Variants in GABRB2 observed in about 807,000 individuals in gnomAD.
GABRB2 encodes gamma-aminobutyric acid receptor subunit beta-2.
Under a neutral mutation model 54.7 loss-of-function variants are expected in GABRB2, and 16 were observed. The observed-to-expected ratio is 0.29, with a 90% CI of 0.20 to 0.44. The LOEUF is 0.44. GABRB2 is among the 20% of genes least tolerant of loss of function. The pLI is 1.00. For missense variants in GABRB2, 355 were observed against 644.0 expected, an observed-to-expected ratio of 0.55 and a Z score of 4.86; for synonymous variants, 244 against 233.8, an observed-to-expected ratio of 1.04 and a Z score of -0.40.
At chr5:161,385,353 C>T (rs913644301) in intron 5 of GABRB2, among the ~76,000 whole-genome samples, 1 of 152,188 alleles carries the variant, frequency 6.6e-6, no homozygotes, top group Non-Finnish European at 1.5e-5. Context: ...TTTCTCTCTC[C>T]TTGTTCCTTT....
chr5:161,430,453 C>A, intron 4 of GABRB2, among the ~76,000 whole-genome samples: 1 of 152,138 alleles, frequency 6.6e-6, no homozygotes, highest in East Asian at 1.9e-4. Flanking sequence ...AAGAACATGC[C>A]TTGGGTAGCT....
At chr5:161,443,108 C>T (rs1030692219) in intron 4 of GABRB2, among the ~76,000 whole-genome samples, 1 of 152,064 alleles carries the variant, frequency 6.6e-6, no homozygotes, top group South Asian at 2.1e-4. Flanking sequence ...TTACACCCTC[C>T]CCTCCCTGCT....
At chr5:161,388,304 C>T (rs1755709081) in intron 5 of GABRB2, among the ~76,000 whole-genome samples, 1 of 152,052 alleles carries the variant, frequency 6.6e-6, no homozygotes, top group Non-Finnish European at 1.5e-5. Context: ...TTCATCAAAG[C>T]TGTCAATAGA....
At chr5:161,492,564 T>TGTG (rs1759115153) in intron 3 of GABRB2, among the ~76,000 whole-genome samples, 1 of 149,320 alleles carries the variant, frequency 6.7e-6, no homozygotes, top group Admixed American at 6.7e-5. Context: ...TTGTTGTAAT[T>TGTG]TGTGTGTGTG....
chr5:161,305,852 A>G (rs557781791), intron 9 of GABRB2, among the ~76,000 whole-genome samples: 2 of 152,336 alleles, frequency 1.3e-5, no homozygotes, highest in East Asian at 3.9e-4. Flanking sequence ...GTTAGGAGAA[A>G]AGGAGCTATG....
At chr5:161,327,676 G>A (rs1304280871) in intron 8 of GABRB2, among the ~76,000 whole-genome samples, 11 of 152,138 alleles carry the variant, frequency 7.2e-5, no homozygotes, top group South Asian at 6.2e-4. Context: ...CAGGCTTCCC[G>A]TTTTCAACCC....
At chr5:161,414,679 T>C (rs1756611962) in intron 4 of GABRB2, among the ~76,000 whole-genome samples, 1 of 151,936 alleles carries the variant, frequency 6.6e-6, no homozygotes, top group Non-Finnish European at 1.5e-5. Flanking sequence ...TACTTATATC[T>C]CAAGCCCTTT....
At chr5:161,432,256 T>C (rs951899155) in intron 4 of GABRB2, among the ~76,000 whole-genome samples, 2 of 152,220 alleles carry the variant, frequency 1.3e-5, no homozygotes, top group Admixed American at 1.3e-4. Flanking sequence ...GTCTGCCTCA[T>C]AGCAGGTATC....
intron 3 of GABRB2, among the ~76,000 whole-genome samples, chr5:161,476,777 T>C (rs1758603546): frequency 1.3e-5 from 2 of 151,898 alleles, no homozygotes; most frequent in South Asian, 4.1e-4. Flanking sequence ...TTATACCATA[T>C]ATAAAAATTA....
intron 5 of GABRB2, among the ~76,000 whole-genome samples, chr5:161,353,014 ATGT>A (rs1284475777): frequency 6.6e-6 from 1 of 151,988 alleles, no homozygotes; most frequent in Non-Finnish European, 1.5e-5. Context: ...TATATTTTCC[ATGT>A]TGTTCTAAGA....
At chr5:161,426,888 A>G (rs1580976344) in intron 4 of GABRB2, among the ~76,000 whole-genome samples, 1 of 152,152 alleles carries the variant, frequency 6.6e-6, no homozygotes, top group Non-Finnish European at 1.5e-5. Context: ...ATTAGAAAAG[A>G]AGATGTGTAT....
At chr5:161,502,136 G>A (rs938109905) in intron 3 of GABRB2, among the ~76,000 whole-genome samples, 1 of 150,544 alleles carries the variant, frequency 6.6e-6, no homozygotes, top group African/African-American at 2.4e-5. Flanking sequence ...TTTTCATAAC[G>A]TTAGGAAAAC....
chr5:161,486,608 A>G (rs576856756), intron 3 of GABRB2, among the ~76,000 whole-genome samples: 4 of 151,828 alleles, frequency 2.6e-5, no homozygotes, highest in Non-Finnish European at 5.9e-5. Flanking sequence ...TTTGAAGTGC[A>G]TCAGTGTGTG....
At chr5:161,436,531 G>GAA (rs35559735) in intron 4 of GABRB2, among the ~76,000 whole-genome samples, 3,095 of 124,386 alleles carry the variant, frequency 0.025, 63 homozygotes, top group Non-Finnish European at 0.037. Flanking sequence ...AGACGCTGTC[G>GAA]AAAAAAAAAA....
rs2303055 is a variant in GABRB2, at chr5:161,336,609, T to G, written c.679+23A>C. ...AAATACGGTGAAGATTATTTTCCCT[T>G]AACACTTTTCCATGATACAAACCTG... On this transcript the variant is annotated intron_variant, in intron 6 of 9. Transcript: ENST00000393959. The G allele has an allele frequency of 0.02, 31,793 of 1,609,532 alleles. 2,100 individuals carry two copies. Among genetic ancestry groups the G allele is most frequent in the East Asian group, 0.18 (8,125 of 44,744 alleles).
chr5:161,456,915 G>T (rs1179128551), intron 4 of GABRB2, among the ~76,000 whole-genome samples: 2 of 152,058 alleles, frequency 1.3e-5, no homozygotes. Flanking sequence ...TGTAACAATA[G>T]AATAATATAT....
intron 5 of GABRB2, among the ~76,000 whole-genome samples, chr5:161,361,683 G>A (rs1754814420): frequency 6.6e-6 from 1 of 152,108 alleles, no homozygotes; most frequent in African/African-American, 2.4e-5. Context: ...CATGGCTTGT[G>A]TTTTTACTTT....
chr5:161,310,764 A>ATTTT (rs34428930), intron 9 of GABRB2, among the ~76,000 whole-genome samples: 4 of 139,132 alleles, frequency 2.9e-5, no homozygotes, highest in African/African-American at 1.1e-4. Context: ...ATGCTACAGC[A>ATTTT]TTTTTTTTTT....
intron 4 of GABRB2, among the ~76,000 whole-genome samples, chr5:161,425,019 T>G (rs1362948967): frequency 1.3e-5 from 2 of 152,148 alleles, no homozygotes; most frequent in Non-Finnish European, 2.9e-5. Context: ...GTATTAGAAG[T>G]GGATCTTGAA....
Sources: gnomAD v4.1 joint callset for allele counts (sites outside exome capture counted in the v4.1 genomes callset) on GRCh38, gnomAD v4.1.1 for gene constraint, MANE v1.5 for transcripts, NCBI Gene and HGNC (gene_info 2026-07-23, HGNC 2026-07-21) for gene names.